ADARB2: variants seen among roughly 807,000 people sequenced by gnomAD.
ADARB2 encodes adenosine deaminase RNA specific B2 (inactive), also known as inactive double-stranded RNA-specific editase B2.
In ADARB2, 25 loss-of-function variants were observed where a neutral mutation model predicts 62.2. That is an observed-to-expected ratio of 0.40 (90% CI 0.29 to 0.56). ADARB2 has a LOEUF of 0.56. ADARB2 is among the 20% of genes least tolerant of loss of function. The pLI is 0.43. For synonymous variants in ADARB2, 572 were observed against 500.8 expected (o/e 1.14, Z -1.90); for missense variants, 1,071 against 1,077.4 (o/e 0.99, Z 0.08).
intron 3 of ADARB2, among the ~76,000 whole-genome samples, chr10:1,350,837 A>G (rs972712618): frequency 3.3e-5 from 5 of 152,064 alleles, no homozygotes; most frequent in African/African-American, 1.2e-4. Flanking sequence ...TTAATTGTAC[A>G]CCTCGCCTTC....
chr10:1,452,261 G>A (rs948105636), intron 1 of ADARB2, among the ~76,000 whole-genome samples: 4 of 152,154 alleles, frequency 2.6e-5, no homozygotes, highest in African/African-American at 4.8e-5. Flanking sequence ...GTCAACTGTC[G>A]CACATGTAAA....
intron 4 of ADARB2, among the ~76,000 whole-genome samples, chr10:1,247,007 A>T (rs1048001590): frequency 1.3e-5 from 2 of 151,922 alleles, no homozygotes; most frequent in Non-Finnish European, 2.9e-5. Context: ...CCTTTATTTC[A>T]TTGAGCAGTG....
In ADARB2 at chr10:1,719,774, C is replaced by A. The variant is rs182450524; in HGVS notation, c.100+17277G>T. On this transcript the variant is annotated intron_variant, in intron 1 of 9. Coordinates refer to ENST00000381312, the MANE Select transcript of ADARB2 (RefSeq NM_018702.4). ...TCTCTAAAGAAGACAAACATGCGAT[C>A]CACAAGCATGTGAAAAACATTGAAC... 1.5e-3 allele frequency among the ~76,000 whole-genome samples: 228 copies of A among 152,290 alleles called. 3 individuals are homozygous for A. The highest frequency in any genetic ancestry group is 4.6e-4 in the Non-Finnish European group (31 of 68,026).
intron 1 of ADARB2, among the ~76,000 whole-genome samples, chr10:1,579,073 A>G (rs1833061181): frequency 6.6e-6 from 1 of 152,204 alleles, no homozygotes; most frequent in Non-Finnish European, 1.5e-5. Context: ...CCAGGTGCCC[A>G]CACTGCCTCA....
chr10:1,308,477 T>C (rs901567870), intron 3 of ADARB2, among the ~76,000 whole-genome samples: 2 of 152,174 alleles, frequency 1.3e-5, no homozygotes, highest in Non-Finnish European at 2.9e-5. Flanking sequence ...GCCTTTTTTC[T>C]GTGTGGACAC....
At chr10:1,596,330 G>T (rs1451380558) in intron 1 of ADARB2, among the ~76,000 whole-genome samples, 2 of 152,116 alleles carry the variant, frequency 1.3e-5, no homozygotes, top group Admixed American at 6.5e-5. Context: ...TCTTGTTTAG[G>T]AGTAAAATGG....
At chr10:1,299,930 G>A (rs1045575769) in intron 3 of ADARB2, among the ~76,000 whole-genome samples, 6 of 152,168 alleles carry the variant, frequency 3.9e-5, no homozygotes, top group African/African-American at 1.2e-4. Flanking sequence ...TGTCCTAACG[G>A]CCACTTCACG....
intron 1 of ADARB2, among the ~76,000 whole-genome samples, chr10:1,471,878 C>A (rs373849190): frequency 6.6e-6 from 1 of 152,180 alleles, no homozygotes; most frequent in African/African-American, 2.4e-5. Flanking sequence ...AAGGAGAGAA[C>A]CTTGTCTCAC....
chr10:1,605,556 T>C (rs1451463465), intron 1 of ADARB2, among the ~76,000 whole-genome samples: 1 of 152,258 alleles, frequency 6.6e-6, no homozygotes, highest in Non-Finnish European at 1.5e-5. Context: ...GTAACTTATT[T>C]TTAATATATG....
chr10:1,242,134 A>C lies in ADARB2; in HGVS notation c.1358T>G (p.Leu453Arg), dbSNP rs1294736892. 6.2e-7 allele frequency: 1 copy of C among 1,604,720 alleles called. No homozygotes were observed. Among genetic ancestry groups the C allele is most frequent in the Non-Finnish European group, 8.5e-7 (1 of 1,177,740 alleles). ...HFLYTQLELH[L>R]SKRREDSERS... ...GAGCCCGTCCCCAGCCGCTCACCTC[A>C]GGTGCAGCTCCAGCTGCGTGTAGAG... is the stretch of plus-strand genomic sequence containing the variant. Residue 453 changes from leucine (L) to arginine (R), a missense_variant, in exon 5 of 10, where the codon CTG becomes CGG. Coordinates refer to ENST00000381312, the MANE Select transcript of ADARB2 (RefSeq NM_018702.4).
rs190408303 is a variant in ADARB2, at chr10:1,542,956, T to C, written c.101-163796A>G. Among the ~76,000 whole-genome samples the C allele has an allele frequency of 3.4e-3, 520 of 152,080 alleles. 1 individual carries two copies. The highest frequency in any genetic ancestry group is 4.9e-3 in the Non-Finnish European group (335 of 67,846). The stretch of plus-strand genomic sequence containing the variant: ...CCGTCCAGACCCCACTCAGACGCAG[T>C]TGGGACCCTGGATCACAGCTGTCCG... On this transcript the variant is annotated intron_variant, in intron 1 of 9. Coordinates refer to ENST00000381312, the MANE Select transcript of ADARB2 (RefSeq NM_018702.4).
chr10:1,319,218 A>G (rs1831773166), intron 3 of ADARB2, among the ~76,000 whole-genome samples: 1 of 152,344 alleles, frequency 6.6e-6, no homozygotes, highest in East Asian at 1.9e-4. Flanking sequence ...ACAATGAGGA[A>G]GTAAGTTCAG....
chr10:1,407,567 C>A (rs368957471), intron 1 of ADARB2, among the ~76,000 whole-genome samples: 1 of 152,178 alleles, frequency 6.6e-6, no homozygotes, highest in Non-Finnish European at 1.5e-5. Flanking sequence ...GGGGCCTCAG[C>A]CTGCATTCTG....
At chr10:1,592,366 C>T (rs1833269922) in intron 1 of ADARB2, among the ~76,000 whole-genome samples, 1 of 122,648 alleles carries the variant, frequency 8.2e-6, no homozygotes, top group Admixed American at 7.8e-5. Flanking sequence ...GCATGGTCCC[C>T]TCTGTCACCC....
At chr10:1,476,224 C>T (rs536090937) in intron 1 of ADARB2, among the ~76,000 whole-genome samples, 1 of 152,180 alleles carries the variant, frequency 6.6e-6, no homozygotes, top group East Asian at 1.9e-4. Context: ...ATGAGGGCTG[C>T]AGGAAGGAGC....
At chr10:1,304,450 A>C (rs1831606418) in intron 3 of ADARB2, among the ~76,000 whole-genome samples, 2 of 152,122 alleles carry the variant, frequency 1.3e-5, no homozygotes, top group African/African-American at 2.4e-5. Flanking sequence ...CCCACTGTCA[A>C]CATTAGACAG....
chr10:1,256,508 A>C (rs1024924870), intron 4 of ADARB2, among the ~76,000 whole-genome samples: 2 of 152,196 alleles, frequency 1.3e-5, no homozygotes, highest in Admixed American at 1.3e-4. Context: ...GCGTGTTTGC[A>C]ACACTGCTAA....
chr10:1,437,219 CAT>C (rs200361666), intron 1 of ADARB2, among the ~76,000 whole-genome samples: 20 of 150,632 alleles, frequency 1.3e-4, no homozygotes, highest in African/African-American at 2.9e-4. Flanking sequence ...ATTTGGTATA[CAT>C]ATATATATAT....
intron 1 of ADARB2, among the ~76,000 whole-genome samples, chr10:1,605,081 C>T (rs898392073): frequency 6.6e-5 from 10 of 152,196 alleles, no homozygotes; most frequent in African/African-American, 9.6e-5. Flanking sequence ...TTCAATTTTT[C>T]GTAGGGATGA....
Sources: allele counts gnomAD v4.1 joint callset (sites outside exome capture counted in the v4.1 genomes callset), GRCh38; gene constraint gnomAD v4.1.1; transcripts MANE v1.5; gene names NCBI Gene and HGNC (gene_info 2026-07-23, HGNC 2026-07-21).